Variants in GNB4 observed in about 807,000 individuals in gnomAD.
The protein encoded by GNB4 is G protein subunit beta 4.
GNB4 carries 28 observed loss-of-function variants against 45.2 expected under a neutral mutation model. The observed-to-expected ratio is 0.62, with a 90% CI of 0.46 to 0.85. The LOEUF (loss-of-function observed/expected upper bound fraction) is 0.85. Ranked by LOEUF, GNB4 falls within the 40% of genes least tolerant of loss-of-function variation. The pLI is 0.00. For synonymous variants in GNB4, 132 were observed against 143.7 expected, an observed-to-expected ratio of 0.92 and a Z score of 0.58; for missense variants, 321 against 425.4, an observed-to-expected ratio of 0.75 and a Z score of 2.16.
chr3:179,508,827 G>T, the GNB4 span, among the ~76,000 whole-genome samples: 1 of 150,714 alleles, frequency 6.6e-6, no homozygotes, highest in Admixed American at 6.6e-5. Flanking sequence ...GATACTTATT[G>T]TTAATAGTAA....
rs1429605452 is a variant in GNB4 at position 179,400,578 on chromosome 3, C to T, written c.*635G>A. 6.6e-6 allele frequency: 1 copy of T among 152,124 alleles called. No homozygotes were observed. The highest frequency in any genetic ancestry group is 1.5e-5 in the Non-Finnish European group (1 of 68,028). The allele number at this position is 152,124 out of a possible 1,614,324, so 9.4% of individuals were successfully genotyped here. A position where few individuals can be genotyped will look rare whatever the true frequency, so the allele number is the denominator to read the frequency against. On this transcript the variant is annotated 3_prime_UTR_variant, in exon 10 of 10. Coordinates refer to ENST00000232564, the MANE Select transcript of GNB4 (RefSeq NM_021629.4). Reference sequence around the variant, plus strand: ...TATCAGTGAAATCTCTAATCTCTGGCCTTCAGATTATCTGTCCCCTCAAAG... The same window carrying T: ...TATCAGTGAAATCTCTAATCTCTGGTCTTCAGATTATCTGTCCCCTCAAAG...
the GNB4 span, among the ~76,000 whole-genome samples, chr3:179,498,939 C>G: frequency 6.6e-6 from 1 of 151,846 alleles, no homozygotes; most frequent in Non-Finnish European, 1.5e-5. Flanking sequence ...TCAACAGGCC[C>G]TGGTGTGTGA....
At chr3:179,501,247 G>A in the GNB4 span, among the ~76,000 whole-genome samples, 1 of 151,184 alleles carries the variant, frequency 6.6e-6, no homozygotes, top group Non-Finnish European at 1.5e-5. Flanking sequence ...CTAGACCTGG[G>A]CCTTGTCAGT....
chr3:179,404,505 A>C (rs1160431753), intron 9 of GNB4, among the ~76,000 whole-genome samples: 1 of 152,130 alleles, frequency 6.6e-6, no homozygotes, highest in Admixed American at 6.5e-5. Context: ...TTAGCAACAT[A>C]AAGAGACCCT....
the GNB4 span, among the ~76,000 whole-genome samples, chr3:179,478,453 T>C: frequency 2.0e-5 from 3 of 152,224 alleles, no homozygotes; most frequent in African/African-American, 7.2e-5. Context: ...CAATTACAAA[T>C]AGTTAACTCA....
rs369605066 is a variant in GNB4, at chr3:179,420,392, G to A, written c.96+497C>T. The stretch of plus-strand genomic sequence containing the variant: ...TGACCTCAAGTGATCCTCCCACCTC[G>A]GCCTCCCAAAGTACTGGGATTACAG... On this transcript the variant is annotated intron_variant, in intron 3 of 9. Coordinates refer to ENST00000232564, the MANE Select transcript of GNB4 (RefSeq NM_021629.4). 3.7e-4 allele frequency among the ~76,000 whole-genome samples: 56 copies of A among 149,548 alleles called. No homozygotes were observed. The East Asian group carries it at 9.2e-3, about 24-fold the overall frequency.
the GNB4 span, among the ~76,000 whole-genome samples, chr3:179,458,419 T>C: frequency 6.6e-6 from 1 of 152,250 alleles, no homozygotes; most frequent in Non-Finnish European, 1.5e-5. Context: ...AGCCACAGTA[T>C]TGGCAGGGTA....
intron 1 of GNB4, among the ~76,000 whole-genome samples, chr3:179,429,130 T>C (rs1339819597): frequency 6.6e-6 from 1 of 152,230 alleles, no homozygotes; most frequent in Non-Finnish European, 1.5e-5. Flanking sequence ...TAGTGGCTGT[T>C]ACTTGGGCCA....
At chr3:179,499,199 C>G in the GNB4 span, among the ~76,000 whole-genome samples, 5 of 146,342 alleles carry the variant, frequency 3.4e-5, no homozygotes, top group African/African-American at 1.3e-4. Context: ...GCTCTGTCAC[C>G]CAGGCTAGAG....
At chr3:179,408,816 C>A (rs1346995613) in intron 8 of GNB4, among the ~76,000 whole-genome samples, 5 of 137,662 alleles carry the variant, frequency 3.6e-5, no homozygotes, top group African/African-American at 5.5e-5. Flanking sequence ...GAAAGAAACT[C>A]AAAAAAAAAA....
the GNB4 span, among the ~76,000 whole-genome samples, chr3:179,488,671 C>G: frequency 1.3e-5 from 2 of 151,898 alleles, no homozygotes; most frequent in Non-Finnish European, 2.9e-5. Flanking sequence ...TACTTTATGA[C>G]CAAGTGTTCG....
chr3:179,514,733 G>A, the GNB4 span, among the ~76,000 whole-genome samples: 1 of 152,166 alleles, frequency 6.6e-6, no homozygotes, highest in African/African-American at 2.4e-5. Flanking sequence ...AAGCCAAGGA[G>A]AGAGGCTTCA....
intron 8 of GNB4, among the ~76,000 whole-genome samples, chr3:179,408,786 A>G (rs1267289927): frequency 1.4e-5 from 2 of 146,988 alleles, no homozygotes; most frequent in Non-Finnish European, 3.0e-5. Context: ...AGCGAGAGTC[A>G]GTATCAAAAA....
rs749862644 is a variant in GNB4 at position 179,396,669 on chromosome 3, TAAGA to T, written c.*4540_*4543del. 5.9e-5 allele frequency: 9 copies of T among 152,328 alleles called. No homozygotes were observed. In the South Asian group the frequency reaches 8.3e-4, roughly 14 times the overall value. 9.4% of individuals were successfully genotyped at this position (152,328 alleles called of 1,614,324 possible). A position where few individuals can be genotyped will look rare whatever the true frequency, so the allele number is the denominator to read the frequency against. On this transcript the variant is annotated 3_prime_UTR_variant, in exon 10 of 10. Transcript: ENST00000232564. ...ATTTTACAAAATCAGCAACTGGATT[TAAGA>T]AAGAAGACATAGGAGATTTTATCAA... is the stretch of plus-strand genomic sequence containing the variant.
chr3:179,437,682 A>G (rs998568147), intron 1 of GNB4: 2 of 151,516 alleles, frequency 1.3e-5, no homozygotes, highest in Admixed American at 1.3e-4. Flanking sequence ...TGTGAAAAGG[A>G]AAAAAAAACC....
chr3:179,465,385 C>T, the GNB4 span: 24 of 664,444 alleles, frequency 3.6e-5, no homozygotes, highest in Non-Finnish European at 5.4e-5. Context: ...GGGCGAATCA[C>T]GAGATCAGGA....
At position 179,398,739 on chromosome 3, in the gene GNB4, C is replaced by T. The variant is rs1714195208; in HGVS notation, c.*2474G>A. 6.6e-6 allele frequency: 1 copy of T among 150,476 alleles called. No individual in the cohort carries two copies. The highest frequency in any genetic ancestry group is 2.5e-5 in the African/African-American group (1 of 39,856). 9.3% of individuals were successfully genotyped at this position (150,476 alleles called of 1,614,324 possible). On this transcript the variant is annotated 3_prime_UTR_variant, in exon 10 of 10. Transcript: ENST00000232564. ...AACAAATATATTTAGCAACTGGAGC[C>T]CCTATTATTAGAAAGCAAAGGTGTA...
intron 8 of GNB4, among the ~76,000 whole-genome samples, chr3:179,413,040 A>C (rs1433825601): frequency 1.3e-5 from 2 of 151,814 alleles, no homozygotes; most frequent in Non-Finnish European, 2.9e-5. Context: ...TTGGCCATGC[A>C]TGGTGGTGTG....
the GNB4 span, among the ~76,000 whole-genome samples, chr3:179,517,216 C>A: frequency 6.6e-6 from 1 of 152,130 alleles, no homozygotes; most frequent in African/African-American, 2.4e-5. Flanking sequence ...ATGATATTAC[C>A]TTGTGAAATT....
Sources: allele counts gnomAD v4.1 joint callset (sites outside exome capture counted in the v4.1 genomes callset), GRCh38; gene constraint gnomAD v4.1.1; transcripts MANE v1.5; gene names NCBI Gene and HGNC (gene_info 2026-07-23, HGNC 2026-07-21).